PACRG: variants seen among roughly 807,000 people sequenced by gnomAD.
PACRG encodes parkin coregulated gene protein.
Under a neutral mutation model 29.7 loss-of-function variants are expected in PACRG, and 29 were observed. That is an observed-to-expected ratio of 0.98 (90% CI 0.73 to 1.33). PACRG has a LOEUF of 1.33. Among genes scored for constraint, PACRG ranks in the 40% most tolerant of loss-of-function variants. PACRG has a pLI of 0.00. For synonymous variants in PACRG, 116 were observed against 118.7 expected (o/e 0.98, Z 0.15); for missense variants, 279 against 316.2 (o/e 0.88, Z 0.89).
chr6:163,286,350 A>G (rs1406243413), intron 4 of PACRG, among the ~76,000 whole-genome samples: 1 of 152,226 alleles, frequency 6.6e-6, no homozygotes, highest in African/African-American at 2.4e-5. Flanking sequence ...TGGGACATTT[A>G]TGTTTACTAC....
At chr6:162,993,386 G>C (rs1345076812) in intron 2 of PACRG, among the ~76,000 whole-genome samples, 1 of 53,472 alleles carries the variant, frequency 1.9e-5, no homozygotes, top group Non-Finnish European at 3.3e-5. Context: ...AAGTCTCTTT[G>C]TAGGTCACTC....
intron 2 of PACRG, among the ~76,000 whole-genome samples, chr6:163,024,102 G>A (rs1806892528): frequency 2.6e-5 from 4 of 152,018 alleles, no homozygotes; most frequent in Admixed American, 2.6e-4. Flanking sequence ...TTTTGTTTTT[G>A]TTGCACTTGC....
At chr6:163,254,520 C>T (rs1312977514) in intron 4 of PACRG, among the ~76,000 whole-genome samples, 1 of 152,212 alleles carries the variant, frequency 6.6e-6, no homozygotes, top group Admixed American at 6.5e-5. Flanking sequence ...CTCCCGTCAG[C>T]ACATAGTCTG....
At chr6:163,275,398 C>G (rs1166157611) in intron 4 of PACRG, among the ~76,000 whole-genome samples, 1 of 152,138 alleles carries the variant, frequency 6.6e-6, no homozygotes, top group Non-Finnish European at 1.5e-5. Flanking sequence ...TAAATATACT[C>G]AACACTCAGC....
intron 4 of PACRG, among the ~76,000 whole-genome samples, chr6:163,182,139 C>G (rs761624): frequency 0.66 from 100,986 of 152,072 alleles, 34,151 homozygotes; most frequent in Non-Finnish European, 0.73. Flanking sequence ...TAGACTCTTC[C>G]AGGCTCTTTG....
intron 4 of PACRG, among the ~76,000 whole-genome samples, chr6:163,113,198 G>T (rs1478980311): frequency 6.6e-6 from 1 of 152,116 alleles, no homozygotes; most frequent in Non-Finnish European, 1.5e-5. Flanking sequence ...CAGAATCTGA[G>T]GAATAGAAAG....
chr6:163,106,251 C>G (rs796977007), intron 4 of PACRG, among the ~76,000 whole-genome samples: 22 of 152,232 alleles, frequency 1.4e-4, no homozygotes, highest in African/African-American at 5.1e-4. Flanking sequence ...ACAGTTTTCT[C>G]CATCCATAAA....
At chr6:163,025,192 T>A (rs567898644) in intron 2 of PACRG, among the ~76,000 whole-genome samples, 76 of 152,248 alleles carry the variant, frequency 5.0e-4, no homozygotes, top group African/African-American at 1.5e-3. Context: ...GAATGCCCAC[T>A]CTTACAAATC....
At chr6:162,993,103 A>C (rs1377605698) in intron 2 of PACRG, among the ~76,000 whole-genome samples, 3 of 146,668 alleles carry the variant, frequency 2.0e-5, no homozygotes, top group East Asian at 4.3e-4. Flanking sequence ...GTGGTCTGAG[A>C]GATAGTTTGT....
At chr6:163,089,470 A>G in intron 4 of PACRG, 62 bp downstream of exon 4, 1 of 1,561,918 alleles carries the variant, frequency 6.4e-7, no homozygotes, top group Non-Finnish European at 8.8e-7. Flanking sequence ...GGTTTGAAGT[A>G]GAGTTAATTA....
rs368950884 is a variant in PACRG at position 162,758,851 on chromosome 6, AT to A, written c.156+30467del. 9.5e-4 allele frequency among the ~76,000 whole-genome samples: 144 copies of A among 152,298 alleles called. 1 individual carries two copies. Among genetic ancestry groups the A allele is most frequent in the Middle Eastern group, 3.4e-3 (1 of 294 alleles). On this transcript the variant is annotated intron_variant, in intron 1 of 4. Transcript: ENST00000366888. The stretch of plus-strand genomic sequence containing the variant: ...CTATATCATGAATTGAAAATAAGCC[AT>A]TTTTTTGAAAAGCAGTATACATTTC...
At chr6:163,000,298 T>C (rs895081419) in intron 2 of PACRG, among the ~76,000 whole-genome samples, 10 of 152,114 alleles carry the variant, frequency 6.6e-5, no homozygotes, top group South Asian at 4.2e-4. Flanking sequence ...ACTCGGAGGG[T>C]CAAAAACTTC....
chr6:162,846,185 C>T (rs1283042789), intron 2 of PACRG, among the ~76,000 whole-genome samples: 2 of 152,100 alleles, frequency 1.3e-5, no homozygotes, highest in Non-Finnish European at 2.9e-5. Flanking sequence ...GTCAGAGGAT[C>T]CTGCATCTCC....
chr6:163,182,163 G>A (rs1779706789), intron 4 of PACRG, among the ~76,000 whole-genome samples: 1 of 152,158 alleles, frequency 6.6e-6, no homozygotes, highest in African/African-American at 2.4e-5. Flanking sequence ...TCCACGGTCC[G>A]GTGGTGAAAT....
intron 2 of PACRG, among the ~76,000 whole-genome samples, chr6:162,839,662 C>T (rs1486920200): frequency 2.6e-5 from 4 of 151,928 alleles, no homozygotes; most frequent in Non-Finnish European, 5.9e-5. Flanking sequence ...ACATGAAGTC[C>T]TTGCCCATGC....
chr6:163,004,701 A>AGTGTGTGT (rs374627693), intron 2 of PACRG, among the ~76,000 whole-genome samples: 2,991 of 131,384 alleles, frequency 0.023, 78 homozygotes, highest in East Asian at 0.063. Flanking sequence ...ACAAAGTTCT[A>AGTGTGTGT]GTGTGTGTGT....
chr6:162,888,070 G>T (rs531575168), intron 2 of PACRG, among the ~76,000 whole-genome samples: 1 of 152,044 alleles, frequency 6.6e-6, no homozygotes, highest in Admixed American at 6.5e-5. Flanking sequence ...GATGAACGTC[G>T]TGTCCTCATA....
At chr6:163,163,769 A>G (rs1778670635) in intron 4 of PACRG, among the ~76,000 whole-genome samples, 1 of 152,202 alleles carries the variant, frequency 6.6e-6, no homozygotes, top group African/African-American at 2.4e-5. Context: ...TTTATACCCA[A>G]ATAGATTTAG....
At chr6:162,978,770 A>G (rs1802168331) in intron 2 of PACRG, among the ~76,000 whole-genome samples, 1 of 152,202 alleles carries the variant, frequency 6.6e-6, no homozygotes, top group Non-Finnish European at 1.5e-5. Context: ...AACACAGACT[A>G]TATTATTTAA....
Sources: allele counts gnomAD v4.1 joint callset (sites outside exome capture counted in the v4.1 genomes callset), GRCh38; gene constraint gnomAD v4.1.1; transcripts MANE v1.5; gene names NCBI Gene and HGNC (gene_info 2026-07-23, HGNC 2026-07-21).